Variants in MEI4 observed in about 807,000 individuals in gnomAD.
MEI4 encodes meiotic double-stranded break formation protein 4, also known as meiosis-specific protein MEI4.
MEI4 carries 27 observed loss-of-function variants against 31.4 expected under a neutral mutation model. The ratio of observed to expected loss-of-function variants is 0.86; its 90% CI spans 0.63 to 1.19. The LOEUF (loss-of-function observed/expected upper bound fraction) is 1.19, where lower values mean the gene tolerates loss of function less well. Ranked by LOEUF, MEI4 falls within the 50% of genes most tolerant of loss-of-function variation. MEI4 has a pLI of 0.00. For missense variants in MEI4, 329 were observed against 398.9 expected (o/e 0.82, Z 1.49); for synonymous variants, 122 against 145.4 (o/e 0.84, Z 1.16).
chr6:77,751,088 T>C (rs967714040), intron 2 of MEI4, among the ~76,000 whole-genome samples: 2 of 152,092 alleles, frequency 1.3e-5, no homozygotes, highest in African/African-American at 4.8e-5. Context: ...AGACAAAATG[T>C]GCCAGAATCT....
At chr6:77,788,957 G>A (rs888994269) in intron 3 of MEI4, among the ~76,000 whole-genome samples, 10 of 152,092 alleles carry the variant, frequency 6.6e-5, no homozygotes, top group Non-Finnish European at 1.0e-4. Flanking sequence ...TAAATCCTAA[G>A]CCAAAAGAAC....
At chr6:77,778,939 G>T (rs1021201573) in intron 3 of MEI4, among the ~76,000 whole-genome samples, 3 of 152,080 alleles carry the variant, frequency 2.0e-5, no homozygotes, top group Non-Finnish European at 4.4e-5. Context: ...GACATATTGA[G>T]TTTAATGATA....
At chr6:77,697,400 A>G (rs1191538741) in intron 2 of MEI4, among the ~76,000 whole-genome samples, 1 of 152,072 alleles carries the variant, frequency 6.6e-6, no homozygotes, top group Non-Finnish European at 1.5e-5. Flanking sequence ...TCTTGTGGGC[A>G]TTTAGTGCTA....
At chr6:77,665,296 A>C (rs1768605662) in intron 1 of MEI4, among the ~76,000 whole-genome samples, 2 of 151,944 alleles carry the variant, frequency 1.3e-5, no homozygotes, top group African/African-American at 4.8e-5. Flanking sequence ...CCCCTAGAAA[A>C]GTGGGACTTG....
At chr6:77,783,030 CTGCAGCTTTGTTTAACCTT>C (rs1403961006) in intron 3 of MEI4, among the ~76,000 whole-genome samples, 5 of 152,108 alleles carry the variant, frequency 3.3e-5, no homozygotes, top group Non-Finnish European at 5.9e-5. Flanking sequence ...TTGTGGTCAA[CTGCAGCTTTGTTTAACCTT>C]CTGCATGCTC....
chr6:77,838,826 C>T (rs1770286193), intron 4 of MEI4, among the ~76,000 whole-genome samples: 2 of 151,732 alleles, frequency 1.3e-5, no homozygotes, highest in African/African-American at 4.8e-5. Flanking sequence ...TCACTTGAAC[C>T]CAGGAGGCAG....
At chr6:77,858,971 G>A (rs539429859) in intron 4 of MEI4, among the ~76,000 whole-genome samples, 1 of 150,808 alleles carries the variant, frequency 6.6e-6, no homozygotes, top group Admixed American at 6.6e-5. Flanking sequence ...GTATACGTGT[G>A]CCATGGTGGT....
intron 4 of MEI4, among the ~76,000 whole-genome samples, chr6:77,861,895 T>A (rs962631894): frequency 6.6e-6 from 1 of 152,164 alleles, no homozygotes; most frequent in Non-Finnish European, 1.5e-5. Context: ...TTTCTGATGA[T>A]CTTTTTTTAT....
At chr6:77,652,815 GCTCA>G (rs1240453282), upstream of MEI4, among the ~76,000 whole-genome samples, 1 of 152,106 alleles carries the variant, frequency 6.6e-6, no homozygotes, top group Non-Finnish European at 1.5e-5. Flanking sequence ...CAGGAAATGG[GCTCA>G]CTAAGGCCCA....
At chr6:77,856,245 T>C (rs1341341095) in intron 4 of MEI4, among the ~76,000 whole-genome samples, 3 of 152,232 alleles carry the variant, frequency 2.0e-5, no homozygotes, top group South Asian at 4.1e-4. Context: ...TTAAGTACAT[T>C]ATTGTCTTTC....
chr6:77,751,832 A>C (rs565893258), intron 2 of MEI4, among the ~76,000 whole-genome samples: 3 of 152,198 alleles, frequency 2.0e-5, no homozygotes, highest in African/African-American at 4.8e-5. Context: ...ATTTCAGGCC[A>C]ATATCCCTGA....
At chr6:77,889,845 G>T (rs1771716237) in intron 4 of MEI4, among the ~76,000 whole-genome samples, 1 of 152,218 alleles carries the variant, frequency 6.6e-6, no homozygotes, top group Non-Finnish European at 1.5e-5. Flanking sequence ...CGGCTAAAAG[G>T]GGCCAAGGTA....
At chr6:77,825,325 A>G (rs1337040726) in intron 3 of MEI4, among the ~76,000 whole-genome samples, 5 of 152,188 alleles carry the variant, frequency 3.3e-5, no homozygotes, top group Non-Finnish European at 7.3e-5. Flanking sequence ...TGCCTTTGAG[A>G]AGCTGGTCAT....
intron 3 of MEI4, among the ~76,000 whole-genome samples, chr6:77,803,396 A>T (rs1182705298): frequency 6.6e-6 from 1 of 151,838 alleles, no homozygotes; most frequent in African/African-American, 2.4e-5. Context: ...AAGATTTTTA[A>T]CTTCCTTGCC....
chr6:77,803,944 G>A (rs1213514388), intron 3 of MEI4, among the ~76,000 whole-genome samples: 1 of 152,176 alleles, frequency 6.6e-6, no homozygotes, highest in Non-Finnish European at 1.5e-5. Flanking sequence ...GAGGCCGTCT[G>A]TCCATTCTCA....
At chr6:77,726,441 C>T (rs559518906) in intron 2 of MEI4, among the ~76,000 whole-genome samples, 26 of 152,148 alleles carry the variant, frequency 1.7e-4, no homozygotes, top group Non-Finnish European at 2.8e-4. Flanking sequence ...AAGAAAACTG[C>T]GGGCATGTGG....
At chr6:77,829,104 G>A (rs1770020918) in intron 4 of MEI4, 42 bp downstream of exon 4, 31 of 1,196,944 alleles carry the variant, frequency 2.6e-5, no homozygotes, top group South Asian at 4.2e-5. Context: ...TATAGTTATT[G>A]TAACTATATG....
intron 4 of MEI4, among the ~76,000 whole-genome samples, chr6:77,860,004 C>T (rs12216365): frequency 0.17 from 25,644 of 152,042 alleles, 2,744 homozygotes; most frequent in Non-Finnish European, 0.22. Flanking sequence ...CATGTGCTTC[C>T]AAGAATTATA....
At chr6:77,661,810 T>G in intron 1 of MEI4, among the ~76,000 whole-genome samples, 1 of 151,150 alleles carries the variant, frequency 6.6e-6, no homozygotes, top group African/African-American at 2.4e-5. Flanking sequence ...AGGGGGAAGT[T>G]TCAGAGGGGG....
Sources: gnomAD v4.1 joint callset for allele counts (sites outside exome capture counted in the v4.1 genomes callset) on GRCh38, gnomAD v4.1.1 for gene constraint, MANE v1.5 for transcripts, NCBI Gene and HGNC (gene_info 2026-07-23, HGNC 2026-07-21) for gene names.